Variants in PCNT observed in about 807,000 individuals in gnomAD.
PCNT encodes kendrin.
Under a neutral mutation model 380.4 loss-of-function variants are expected in PCNT, and 319 were observed. The observed-to-expected ratio is 0.84, with a 90% CI of 0.77 to 0.92. The LOEUF (loss-of-function observed/expected upper bound fraction) is 0.92, where lower values mean the gene tolerates loss of function less well. PCNT is among the 40% of genes least tolerant of loss of function. The pLI is 0.00. For missense variants in PCNT, 4,400 were observed against 4,255.3 expected (o/e 1.03, Z -0.95); for synonymous variants, 1,845 against 1,735.2 (o/e 1.06, Z -1.57).
In PCNT at chr21:46,363,487, A is replaced by G. The variant is rs1036375941; in HGVS notation, c.2162A>G (p.His721Arg). 6.2e-7 allele frequency: 1 copy of G among 1,611,848 alleles called. No individual in the cohort carries two copies. The highest frequency in any genetic ancestry group is 8.5e-7 in the Non-Finnish European group (1 of 1,178,192). ...AAATTATGTTGTCTGTAGGTAAAAC[A>G]CAATCTAATTGAAGACCACCAGAAG... ...RLKDDLEKVK[H>R]NLIEDHQKEL... is the part of the protein sequence containing the mutation. The change falls in exon 14 of 47, where the codon CAC becomes CGC. Residue 721 changes from histidine (H) to arginine (R), a missense_variant. His to Arg is a conservative substitution (Grantham distance 29, BLOSUM62 0). Coordinates refer to ENST00000359568, the MANE Select transcript of PCNT (RefSeq NM_006031.6).
At chr21:46,356,605 C>A (rs2084487557) in intron 12 of PCNT, among the ~76,000 whole-genome samples, 6 of 152,242 alleles carry the variant, frequency 3.9e-5, no homozygotes, top group Admixed American at 3.9e-4. Flanking sequence ...GCCTCATAGA[C>A]CCTGGGTGAC....
chr21:46,349,258 C>T (rs1601802150), intron 7 of PCNT, 72 bp downstream of exon 7: 2 of 1,196,790 alleles, frequency 1.7e-6, no homozygotes, highest in East Asian at 2.3e-5. Flanking sequence ...GAATGTCGTT[C>T]ATGTCACCAT....
At chr21:46,374,862 A>AC (rs1262485911) in intron 15 of PCNT, among the ~76,000 whole-genome samples, 3 of 151,542 alleles carry the variant, frequency 2.0e-5, no homozygotes, top group South Asian at 2.1e-4. Context: ...AAAAAAAAAA[A>AC]AAAAAAAAAG....
chr21:46,383,501 G>T (rs368233828), intron 16 of PCNT, among the ~76,000 whole-genome samples: 1 of 134,748 alleles, frequency 7.4e-6, no homozygotes, highest in African/African-American at 2.8e-5. Flanking sequence ...TGGCGGAAGC[G>T]CATTCACCAT....
intron 45 of PCNT, 135 bp from the exon 46 acceptor site, chr21:46,444,557 CAG>C (rs766426177): frequency 5.9e-6 from 5 of 849,240 alleles, no homozygotes; most frequent in Non-Finnish European, 9.4e-6. Context: ...GAAACGGCCC[CAG>C]AGTCACCCAT....
chr21:46,418,264 C>T lies in PCNT; in HGVS notation c.6982C>T (p.Pro2328Ser), dbSNP rs369196091. The T allele has an allele frequency of 1.2e-6, 2 of 1,609,088 alleles. No individual in the cohort carries two copies. Among genetic ancestry groups the T allele is most frequent in the Non-Finnish European group, 1.7e-6 (2 of 1,175,518 alleles). Residue 2328 changes from proline to serine, a missense_variant, in exon 31 of 47, where the codon CCT becomes TCT. Pro to Ser is a moderately conservative substitution (Grantham distance 74, BLOSUM62 -1). Coordinates refer to ENST00000359568, the MANE Select transcript of PCNT (RefSeq NM_006031.6). ...SFDSQETLSS[P>S]PPGLEGKADR... ...TGATTCTCAAGAAACATTAAGTTCA[C>T]CTCCTCCTGGATTAGAAGGAAAAGC... is the stretch of plus-strand genomic sequence containing the variant.
chr21:46,438,427 A>G, intron 41 of PCNT, 90 bp downstream of exon 41: 1 of 1,199,224 alleles, frequency 8.3e-7, no homozygotes, highest in South Asian at 1.2e-5. Flanking sequence ...GGCTCCCTTT[A>G]GGGACCTGGG....
chr21:46,394,987 A>G (rs2086159795), intron 21 of PCNT, among the ~76,000 whole-genome samples: 1 of 152,212 alleles, frequency 6.6e-6, no homozygotes, highest in African/African-American at 2.4e-5. Context: ...CTGGCCCTGA[A>G]GATGGTGATG....
intron 6 of PCNT, among the ~76,000 whole-genome samples, chr21:46,347,842 A>G (rs1432743695): frequency 6.6e-6 from 1 of 152,176 alleles, no homozygotes; most frequent in Non-Finnish European, 1.5e-5. Context: ...AGTTCCCTGC[A>G]GTGCATGGGG....
At chr21:46,434,947 G>A (rs373906836) in intron 38 of PCNT, among the ~76,000 whole-genome samples, 12 of 152,228 alleles carry the variant, frequency 7.9e-5, no homozygotes, top group East Asian at 3.9e-4. Context: ...TGGACCCCGC[G>A]TGCTTGCCCT....
At chr21:46,416,971 C>A in intron 30 of PCNT, 132 bp downstream of exon 30, 1 of 801,564 alleles carries the variant, frequency 1.2e-6, no homozygotes, top group South Asian at 1.7e-5. Context: ...GCCAGCTCTG[C>A]AGGACTGGCA....
chr21:46,370,786 A>G (rs574521426), intron 15 of PCNT, among the ~76,000 whole-genome samples: 2 of 152,332 alleles, frequency 1.3e-5, no homozygotes, highest in South Asian at 4.1e-4. Context: ...CTGTAATCCC[A>G]GCACTTTGGG....
rs765368263 is a variant in PCNT at position 46,430,546 on chromosome 21, G to A, written c.7953G>A (p.Ala2651=). Residue 2651 remains alanine, a synonymous_variant, in exon 37 of 47, where the codon GCG becomes GCA. Coordinates refer to ENST00000359568, the MANE Select transcript of PCNT (RefSeq NM_006031.6). ...GTAAGGAGAACGAGCTGAAGGCCGC[G>A]CTTCAGGAGCTGGAGAGTGAGCAGG... ...LSSKENELKA[A]LQELESEQGK... 44 of 1,555,480 alleles carry A rather than the reference G, an allele frequency of 2.8e-5. No homozygotes were observed. In the Middle Eastern group the frequency reaches 1.5e-3, roughly 52 times the overall value.
chr21:46,370,497 G>C (rs1446797326), intron 15 of PCNT, among the ~76,000 whole-genome samples: 1 of 152,120 alleles, frequency 6.6e-6, no homozygotes, highest in Non-Finnish European at 1.5e-5. Flanking sequence ...GAGGGGCATG[G>C]AGAGCCTGGG....
chr21:46,360,055 C>T (rs936384236), intron 13 of PCNT, among the ~76,000 whole-genome samples: 5 of 151,330 alleles, frequency 3.3e-5, no homozygotes, highest in African/African-American at 1.2e-4. Context: ...TGAGGTTTCG[C>T]CATGTTGTCC....
intron 27 of PCNT, among the ~76,000 whole-genome samples, chr21:46,405,715 A>T (rs568907519): frequency 1.3e-5 from 2 of 152,212 alleles, no homozygotes; most frequent in East Asian, 3.8e-4. Context: ...GAATGCCTTT[A>T]AAAACCATTG....
At position 46,398,297 on chromosome 21, in the gene PCNT, C is replaced by T. The variant is rs115808493; in HGVS notation, c.4584+42C>T. On this transcript the variant is annotated intron_variant, in intron 24 of 46. Coordinates refer to ENST00000359568, the MANE Select transcript of PCNT (RefSeq NM_006031.6). ...GAGATGGGCACTCCCTGCGCTGGCG[C>T]CCAGGCTCCCCTGCGCTCGCTGGGA... 9.7e-4 allele frequency: 1,526 copies of T among 1,572,928 alleles called. 15 individuals carry two copies. In the African/African-American group the frequency reaches 0.019, roughly 19 times the overall value.
At position 46,397,312 on chromosome 21, in the gene PCNT, A is replaced by G. The variant is rs752416084; in HGVS notation, c.4264A>G (p.Arg1422Gly). 11 of 1,614,030 alleles carry G rather than the reference A, an allele frequency of 6.8e-6. No individual in the cohort carries two copies. The Admixed American group carries it at 1.8e-4, about 27-fold the overall frequency. The change falls in exon 22 of 47, where the codon AGG becomes GGG. Residue 1422 changes from arginine to glycine, a missense_variant. Physicochemically the swap from Arg to Gly is moderately radical, Grantham distance 125 (BLOSUM62 -2). Transcript: ENST00000359568. Reference sequence around the variant, plus strand: ...TCTGACCAAAGAACAGTCGGAGACCAGGAAGCAGGCTGAGAAGGACCGCTC... The same window carrying G: ...TCTGACCAAAGAACAGTCGGAGACCGGGAAGCAGGCTGAGAAGGACCGCTC... ...EDLTKEQSET[R>G]KQAEKDRSAL... is the part of the protein sequence containing the mutation.
chr21:46,416,725 A>C lies in PCNT; in HGVS notation c.6807A>C (p.Pro2269=). 6.3e-7 allele frequency: 1 copy of C among 1,586,332 alleles called. No individual in the cohort carries two copies. The change falls in exon 30 of 47, where the codon CCA becomes CCC. Residue 2269 remains proline (P), a synonymous_variant. Coordinates refer to ENST00000359568, the MANE Select transcript of PCNT (RefSeq NM_006031.6). ...SLGDRADTSL[P]QTQGPGLLCS... The stretch of plus-strand genomic sequence containing the variant: ...GGGACAGGGCGGACACCTCGCTGCC[A>C]CAGACCCAGGGGCCGGGGCTGCTTT...
Sources: allele counts gnomAD v4.1 joint callset (sites outside exome capture counted in the v4.1 genomes callset), GRCh38; gene constraint gnomAD v4.1.1; transcripts MANE v1.5; gene names NCBI Gene and HGNC (gene_info 2026-07-23, HGNC 2026-07-21).